COL13A1: variants seen among roughly 807,000 people sequenced by gnomAD.
The protein encoded by COL13A1 is collagen type XIII alpha 1 chain.
In COL13A1, 89 loss-of-function variants were observed where a neutral mutation model predicts 130.9. The observed-to-expected ratio is 0.68, with a 90% CI of 0.57 to 0.81. The LOEUF is 0.81. COL13A1 is among the 30% of genes least tolerant of loss of function. COL13A1 has a pLI of 0.00. For missense variants in COL13A1, 879 were observed against 934.6 expected, an observed-to-expected ratio of 0.94 and a Z score of 0.78; for synonymous variants, 402 against 341.6, an observed-to-expected ratio of 1.18 and a Z score of -1.95.
chr10:69,916,120 G>C (rs1227613), intron 17 of COL13A1, among the ~76,000 whole-genome samples: 129,438 of 152,210 alleles, frequency 0.85, 55,528 homozygotes, highest in East Asian at 0.94. Flanking sequence ...AAGGATGGAC[G>C]AGGACCTCCT....
intron 2 of COL13A1, among the ~76,000 whole-genome samples, chr10:69,848,673 G>A (rs931702829): frequency 2.0e-5 from 3 of 152,156 alleles, no homozygotes; most frequent in Non-Finnish European, 4.4e-5. Flanking sequence ...CCTTCCCCAC[G>A]CCACACTTCT....
At chr10:69,884,753 C>G (rs1247375233) in intron 7 of COL13A1, among the ~76,000 whole-genome samples, 1 of 152,092 alleles carries the variant, frequency 6.6e-6, no homozygotes, top group Non-Finnish European at 1.5e-5. Flanking sequence ...AATCCCTGTG[C>G]GTGTCTTATG....
intron 2 of COL13A1, among the ~76,000 whole-genome samples, chr10:69,865,092 A>AGATCCCAG (rs1564883919): frequency 6.6e-6 from 1 of 151,802 alleles, no homozygotes; most frequent in African/African-American, 2.4e-5. Flanking sequence ...TCTGTTAGGA[A>AGATCCCAG]GACCCCAGGA....
At chr10:69,826,491 G>A (rs554527376) in intron 2 of COL13A1, among the ~76,000 whole-genome samples, 24 of 152,314 alleles carry the variant, frequency 1.6e-4, no homozygotes, top group South Asian at 6.2e-4. Flanking sequence ...GGATGAAAGC[G>A]GAGAAGTCGC....
chr10:69,815,807 A>G (rs1202996511), intron 1 of COL13A1, among the ~76,000 whole-genome samples: 1 of 152,184 alleles, frequency 6.6e-6, no homozygotes, highest in African/African-American at 2.4e-5. Context: ...AGTGAATAGA[A>G]CAGAACAGAA....
chr10:69,854,302 A>G (rs1258208271), intron 2 of COL13A1, among the ~76,000 whole-genome samples: 2 of 152,318 alleles, frequency 1.3e-5, no homozygotes, highest in South Asian at 2.1e-4. Flanking sequence ...GCTGTGGCTC[A>G]CACTTGTAAT....
intron 2 of COL13A1, among the ~76,000 whole-genome samples, chr10:69,857,314 C>T (rs1856711470): frequency 6.6e-6 from 1 of 152,224 alleles, no homozygotes; most frequent in South Asian, 2.1e-4. Flanking sequence ...CCCTGTCCAG[C>T]CTGCTCTGCT....
At chr10:69,913,469 T>C (rs1443881800) in intron 17 of COL13A1, among the ~76,000 whole-genome samples, 2 of 152,040 alleles carry the variant, frequency 1.3e-5, no homozygotes, top group Non-Finnish European at 2.9e-5. Context: ...ACTTTTTAAA[T>C]AGGAAAACCT....
rs2066251842 is a variant in COL13A1 at position 69,932,490 on chromosome 10, A to G, written c.1684-70A>G. 3.6e-6 allele frequency: 4 copies of G among 1,098,846 alleles called. No homozygotes were observed. In the Admixed American group the frequency reaches 7.2e-5, roughly 20 times the overall value. The allele number at this position is 1,098,846 out of a possible 1,614,324, so 68.1% of individuals were successfully genotyped here. A position where few individuals can be genotyped will look rare whatever the true frequency, so the allele number is the denominator to read the frequency against. ...CACGTCCCAGTCTAGTTTGTCACAGATGTGAGGGTGCGTCTGTCCCAGGCT... is the reference window on the plus strand; with the variant it reads ...CACGTCCCAGTCTAGTTTGTCACAGGTGTGAGGGTGCGTCTGTCCCAGGCT... On this transcript the variant is annotated intron_variant, in intron 30 of 40. Coordinates refer to ENST00000645393, the MANE Select transcript of COL13A1 (RefSeq NM_001368882.1).
chr10:69,841,971 G>A (rs1476146607), intron 2 of COL13A1, among the ~76,000 whole-genome samples: 1 of 152,184 alleles, frequency 6.6e-6, no homozygotes, highest in African/African-American at 2.4e-5. Context: ...TATCCTAAGA[G>A]CAGTGGGGAG....
Position 69,958,832 on chromosome 10 carries a change from G to T in COL13A1, c.*131G>T. 1 of 1,273,572 alleles carries T rather than the reference G, an allele frequency of 7.9e-7. No homozygotes were observed. The highest frequency in any genetic ancestry group is 1.1e-6 in the Non-Finnish European group (1 of 926,864). 78.9% of individuals were successfully genotyped at this position (1,273,572 alleles called of 1,614,324 possible). A position where few individuals can be genotyped will look rare whatever the true frequency, so the allele number is the denominator to read the frequency against. On this transcript the variant is annotated 3_prime_UTR_variant, in exon 41 of 41. Coordinates refer to ENST00000645393, the MANE Select transcript of COL13A1 (RefSeq NM_001368882.1). ...ATTATTAAAAAAGAAAGAAAAACCTGCATATTTTGTACAGAAAATATCAAC... is the reference window on the plus strand; with the variant it reads ...ATTATTAAAAAAGAAAGAAAAACCTTCATATTTTGTACAGAAAATATCAAC...
At chr10:69,853,082 A>T (rs1855416384) in intron 2 of COL13A1, among the ~76,000 whole-genome samples, 1 of 152,192 alleles carries the variant, frequency 6.6e-6, no homozygotes, top group Admixed American at 6.5e-5. Flanking sequence ...CCTAGCGATC[A>T]GCATCTGATA....
rs537380332 is a variant in COL13A1 at position 69,822,652 on chromosome 10, A to G, written c.364+214A>G. On this transcript the variant is annotated intron_variant, in intron 2 of 40. Coordinates refer to ENST00000645393, the MANE Select transcript of COL13A1 (RefSeq NM_001368882.1). ...CCACCCACCATTCATTTGTTCATAG[A>G]GTATTTTATGGGCCTGATACTCTTT... is the stretch of plus-strand genomic sequence containing the variant. Among the ~76,000 whole-genome samples the G allele has an allele frequency of 2.0e-5, 3 of 152,306 alleles. No homozygotes were observed. In the South Asian group the frequency reaches 6.2e-4, roughly 32 times the overall value.
chr10:69,846,022 C>G (rs545391125), intron 2 of COL13A1, among the ~76,000 whole-genome samples: 1 of 152,400 alleles, frequency 6.6e-6, no homozygotes, highest in African/African-American at 2.4e-5. Context: ...GGCGCAAGGC[C>G]AGTGCCCAGG....
At chr10:69,905,764 T>C in intron 16 of COL13A1, 23 bp from the exon 17 acceptor site, 1 of 1,612,788 alleles carries the variant, frequency 6.2e-7, no homozygotes, top group Non-Finnish European at 8.5e-7. Flanking sequence ...ACCTCTTTAA[T>C]GGCCTTCTCT....
At chr10:69,927,259 G>T in intron 27 of COL13A1, 149 bp downstream of exon 27, 1 of 1,326,734 alleles carries the variant, frequency 7.5e-7, no homozygotes, top group Non-Finnish European at 1.1e-6. Context: ...GGCAGATGAT[G>T]ATCTGAGCTG....
chr10:69,936,773 T>G lies in COL13A1; in HGVS notation c.1788T>G (p.Pro596=). 1 of 1,613,974 alleles carries G rather than the reference T, an allele frequency of 6.2e-7. No individual in the cohort carries two copies. The highest frequency in any genetic ancestry group is 8.5e-7 in the Non-Finnish European group (1 of 1,179,874). The change falls in exon 33 of 41, where the codon CCT becomes CCG. Residue 596 remains proline (P), a synonymous_variant. Coordinates refer to ENST00000645393, the MANE Select transcript of COL13A1 (RefSeq NM_001368882.1). The stretch of plus-strand genomic sequence containing the variant: ...AAATGCAGGGGCTCCAAGGTGTTCC[T>G]GGACCAAAGGTAAGGAGAAGTCACA... ...PPGPPGLQGV[P]GPKGEAGLDG...
intron 14 of COL13A1, 51 bp downstream of exon 14, chr10:69,898,813 G>C: frequency 6.7e-7 from 1 of 1,482,836 alleles, no homozygotes; most frequent in Non-Finnish European, 9.2e-7. Context: ...AAGGGGCCCG[G>C]CAAGCCTGCT....
chr10:69,867,020 A>G (rs2058588832), intron 2 of COL13A1, among the ~76,000 whole-genome samples: 1 of 151,734 alleles, frequency 6.6e-6, no homozygotes. Flanking sequence ...TGCTTTTCTA[A>G]ACCTTCCCTC....
Sources: allele counts gnomAD v4.1 joint callset (sites outside exome capture counted in the v4.1 genomes callset), GRCh38; gene constraint gnomAD v4.1.1; transcripts MANE v1.5; gene names NCBI Gene and HGNC (gene_info 2026-07-23, HGNC 2026-07-21).